The following WASHC2A variants were observed in gnomAD, a reference collection of about 807,000 sequenced individuals.
WASHC2A encodes WASH complex subunit FAM21A.
In WASHC2A, 82 loss-of-function variants were observed where a neutral mutation model predicts 140.3. The observed-to-expected ratio is 0.58, with a 90% CI of 0.49 to 0.70. WASHC2A has a LOEUF of 0.70. WASHC2A is among the 30% of genes least tolerant of loss of function. The probability of loss-of-function intolerance (pLI) is 0.00; values close to 1 mark genes in which losing one functional copy is unlikely to be tolerated. For synonymous variants in WASHC2A, 340 were observed against 560.8 expected, an observed-to-expected ratio of 0.61 and a Z score of 5.56; for missense variants, 985 against 1,521.8, an observed-to-expected ratio of 0.65 and a Z score of 5.87.
At chr10:50,093,238 C>G (rs1554883486) in intron 11 of WASHC2A, 30 bp from the exon 12 acceptor site, 2 of 1,003,478 alleles carry the variant, frequency 2.0e-6, no homozygotes, top group South Asian at 1.4e-5. Context: ...CTTTAATACT[C>G]CCTGCAAAAC....
At chr10:50,094,999 T>C in intron 13 of WASHC2A, 149 bp from the exon 14 acceptor site, 1 of 1,490,164 alleles carries the variant, frequency 6.7e-7, no homozygotes. Context: ...AAGAAAATAC[T>C]AAAGAATTTT....
Position 50,110,164 on chromosome 10 carries a change from C to T in WASHC2A, c.1933C>T (p.Pro645Ser). The T allele has an allele frequency of 1.2e-6, 2 of 1,611,482 alleles. No homozygotes were observed. Among genetic ancestry groups the T allele is most frequent in the Middle Eastern group, 4.5e-4 (2 of 4,430 alleles). ...LASDSRSKGE[P>S]RDSGTLQSQE... Reference sequence around the variant, plus strand: ...ATCTGACAGCAGGTCTAAAGGAGAACCCAGGGATTCTGGGACCCTCCAGAG... The same window carrying T: ...ATCTGACAGCAGGTCTAAAGGAGAATCCAGGGATTCTGGGACCCTCCAGAG... Residue 645 changes from proline (P) to serine (S), a missense_variant, in exon 20 of 31, where the codon CCC becomes TCC. Pro to Ser is a moderately conservative substitution (Grantham distance 74). Coordinates refer to ENST00000282633, the MANE Select transcript of WASHC2A (RefSeq NM_001005751.3).
chr10:50,100,541 A>G (rs1841020136), intron 17 of WASHC2A, among the ~76,000 whole-genome samples: 4 of 152,174 alleles, frequency 2.6e-5, no homozygotes, highest in Admixed American at 2.0e-4. Context: ...AGAAAGCAAT[A>G]TGTTTACAAT....
chr10:50,087,930 C>T (rs563113245), intron 8 of WASHC2A, among the ~76,000 whole-genome samples: 2 of 151,372 alleles, frequency 1.3e-5, no homozygotes, highest in African/African-American at 4.8e-5. Flanking sequence ...ATTCTTCTGC[C>T]TCAGCCTCCC....
chr10:50,113,670 A>T (rs1400032138), intron 20 of WASHC2A, among the ~76,000 whole-genome samples: 5 of 138,936 alleles, frequency 3.6e-5, no homozygotes, highest in African/African-American at 1.4e-4. Flanking sequence ...GAAAGGGGCA[A>T]CCTGAGGCAG....
rs1035806067 is a variant in WASHC2A, at chr10:50,131,221, A to G, written c.3886+143A>G. 8 of 723,866 alleles carry G rather than the reference A, an allele frequency of 1.1e-5. No individual in the cohort carries two copies. The African/African-American group carries it at 1.4e-4, about 13-fold the overall frequency. 44.8% of individuals were successfully genotyped at this position (723,866 alleles called of 1,614,324 possible). ...AGTGTAATCCTGAGTTAGGCTGAAG[A>G]TAGGTAAGAGATGGACTAATTATTT... On this transcript the variant is annotated intron_variant, in intron 30 of 30. Coordinates refer to ENST00000282633, the MANE Select transcript of WASHC2A (RefSeq NM_001005751.3).
In WASHC2A at chr10:50,108,889, GAAAAAAAAAAA is replaced by G. The variant is rs1182148936; in HGVS notation, c.1870-1199_1870-1189del. ...AGAGCAAGACTCTGTCTCGAAAAAGGAAAAAAAAAAAAAAAAAAAAAAAGAAGACCTGACGA... is the reference window on the plus strand; with the variant it reads ...AGAGCAAGACTCTGTCTCGAAAAAGGAAAAAAAAAAAAGAAGACCTGACGA... On this transcript the variant is annotated intron_variant, in intron 19 of 30. Transcript: ENST00000282633. Among the ~76,000 whole-genome samples the G allele has an allele frequency of 1.2e-3, 94 of 75,648 alleles. 1 individual carries two copies. In the South Asian group the frequency reaches 0.042, roughly 34 times the overall value. 49.6% of individuals were successfully genotyped at this position (75,648 alleles called of 152,430 possible).
intron 5 of WASHC2A, 28 bp downstream of exon 5, chr10:50,080,959 T>C: frequency 2.6e-6 from 1 of 377,450 alleles, no homozygotes; most frequent in Non-Finnish European, 4.7e-6. Flanking sequence ...AAATATTTAT[T>C]GCACAACTAT....
intron 17 of WASHC2A, among the ~76,000 whole-genome samples, chr10:50,100,353 G>C (rs1236836762): frequency 6.6e-6 from 1 of 151,386 alleles, no homozygotes; most frequent in African/African-American, 2.4e-5. Context: ...ATGGTGGTGC[G>C]AGCCTGTAAT....
rs1285123640 is a variant in WASHC2A at position 50,132,777 on chromosome 10, G to A, written c.3887-29G>A. 2.0e-4 allele frequency: 329 copies of A among 1,611,994 alleles called. No homozygotes were observed. The African/African-American group carries it at 3.8e-3, about 19-fold the overall frequency. ...AAGTACCTTTCTCCACCCCTCTTCA[G>A]CAACCGTTCTTCTTTTTTCTTTCTA... On this transcript the variant is annotated intron_variant, in intron 30 of 30. Coordinates refer to ENST00000282633, the MANE Select transcript of WASHC2A (RefSeq NM_001005751.3).
At chr10:50,117,863 A>G (rs1554892378) in intron 21 of WASHC2A, 43 bp from the exon 22 acceptor site, 5 of 1,209,240 alleles carry the variant, frequency 4.1e-6, no homozygotes, top group South Asian at 2.6e-5. Flanking sequence ...GGTCAGACAC[A>G]CTTTTTTATT....
At chr10:50,098,386 G>A (rs1312411959) in intron 16 of WASHC2A, among the ~76,000 whole-genome samples, 1 of 151,110 alleles carries the variant, frequency 6.6e-6, no homozygotes, top group South Asian at 2.1e-4. Flanking sequence ...TTTGGCATTA[G>A]GGACATAAGG....
At chr10:50,071,369 G>C (rs1399645057) in intron 3 of WASHC2A, among the ~76,000 whole-genome samples, 1 of 150,192 alleles carries the variant, frequency 6.7e-6, no homozygotes, top group Non-Finnish European at 1.5e-5. Context: ...GCAGTGGTGC[G>C]ATCTCCGCTC....
rs2133082310 is a variant in WASHC2A at position 50,127,136 on chromosome 10, T to A, written c.2812-24T>A. On this transcript the variant is annotated intron_variant, in intron 26 of 30. Coordinates refer to ENST00000282633, the MANE Select transcript of WASHC2A (RefSeq NM_001005751.3). Reference sequence around the variant, plus strand: ...GTCTTTCTGTTTCCCAAATGGATTTTTAACTGGATGTAATTTTACACAGGA... The same window carrying A: ...GTCTTTCTGTTTCCCAAATGGATTTATAACTGGATGTAATTTTACACAGGA... 1.2e-5 allele frequency: 19 copies of A among 1,612,052 alleles called. 1 individual carries two copies. In the East Asian group the frequency reaches 4.2e-4, roughly 36 times the overall value.
chr10:50,091,505 C>G lies in WASHC2A; in HGVS notation c.918C>G (p.Asp306Glu). 1.5e-5 allele frequency: 23 copies of G among 1,549,824 alleles called. No individual in the cohort carries two copies. The highest frequency in any genetic ancestry group is 2.0e-5 in the Non-Finnish European group (23 of 1,146,926). ...AGGGGGATGCCGTGGGTCGAGTGGA[C>G]GAGGAGCCGACAAGTGAGCCCCAGC... Reference protein sequence around the residue: ...RIKGDAVGRVDEEPTTLPSGE... With the variant: ...RIKGDAVGRVEEEPTTLPSGE... The change falls in exon 10 of 31, where the codon GAC becomes GAG. Residue 306 changes from aspartate (D) to glutamate (E), a missense_variant. Asp to Glu is a conservative substitution (Grantham distance 45). Transcript: ENST00000282633.
rs1448414031 is a variant in WASHC2A, at chr10:50,129,544, T to C, written c.3213T>C (p.Asp1071=). The change falls in exon 29 of 31, where the codon GAT becomes GAC. Residue 1071 remains aspartate, a synonymous_variant. Transcript: ENST00000282633. ...GAGGACCCATTGCACAGTGGGCTGA[T>C]GGCGCCATTTCCCCAAATGGCCATC... ...VPRGPIAQWA[D]GAISPNGHRP... 1.2e-6 allele frequency: 2 copies of C among 1,611,896 alleles called. No homozygotes were observed. The highest frequency in any genetic ancestry group is 1.7e-6 in the Non-Finnish European group (2 of 1,179,868).
intron 25 of WASHC2A, 112 bp downstream of exon 25, chr10:50,125,561 A>G (rs2133065439): frequency 6.2e-7 from 1 of 1,605,416 alleles, no homozygotes; most frequent in African/African-American, 1.3e-5. Context: ...GCTGCTTCCT[A>G]CTAAATGAAT....
intron 19 of WASHC2A, among the ~76,000 whole-genome samples, chr10:50,109,711 G>A (rs1181545206): frequency 2.0e-5 from 3 of 152,122 alleles, no homozygotes; most frequent in East Asian, 1.9e-4. Context: ...ATACAACTTA[G>A]TTTAACAAAT....
At position 50,067,954 on chromosome 10, in the gene WASHC2A, A is replaced by C; in HGVS notation, c.-52A>C. 3 of 1,589,544 alleles carry C rather than the reference A, an allele frequency of 1.9e-6. No individual in the cohort carries two copies. In the South Asian group the frequency reaches 3.4e-5, roughly 18 times the overall value. On this transcript the variant is annotated 5_prime_UTR_variant, in exon 1 of 31. Transcript: ENST00000282633. Reference sequence around the variant, plus strand: ...TGGGGCTAGGCTTCCGGGGCTCTGCAGTCCTCGGCGTGTGCTGGCAGCTTC... The same window carrying C: ...TGGGGCTAGGCTTCCGGGGCTCTGCCGTCCTCGGCGTGTGCTGGCAGCTTC...
Sources: gnomAD v4.1 joint callset for allele counts (sites outside exome capture counted in the v4.1 genomes callset) on GRCh38, gnomAD v4.1.1 for gene constraint, MANE v1.5 for transcripts, NCBI Gene and HGNC (gene_info 2026-07-23, HGNC 2026-07-21) for gene names.